Variants in HSPA4L observed in about 807,000 individuals in gnomAD.
HSPA4L encodes heat shock 70 kDa protein 4L.
A neutral mutation model predicts 100.3 loss-of-function variants in HSPA4L; 48 were observed. The observed-to-expected ratio is 0.48, with a 90% CI of 0.38 to 0.61. HSPA4L has a LOEUF of 0.61. Ranked by LOEUF, HSPA4L falls within the 20% of genes least tolerant of loss-of-function variation. The probability of loss-of-function intolerance (pLI) is 0.00; values close to 1 mark genes in which losing one functional copy is unlikely to be tolerated. For missense variants in HSPA4L, 886 were observed against 988.6 expected (o/e 0.90, Z 1.39); for synonymous variants, 319 against 328.2 (o/e 0.97, Z 0.30).
rs565583286 is a variant in HSPA4L at position 127,782,351 on chromosome 4, G to C, written c.-200G>C. 1.6e-3 allele frequency: 902 copies of C among 562,546 alleles called. 9 individuals are homozygous for C. The highest frequency in any genetic ancestry group is 0.015 in the African/African-American group (784 of 51,690). The allele number at this position is 562,546 out of a possible 1,614,324, so 34.8% of individuals were successfully genotyped here. ...GGGAAAGACCCAGGCTGCGGGACGC[G>C]GTGCAGGCTGCGGCGCTGACGGCCT... On this transcript the variant is annotated 5_prime_UTR_variant, in exon 1 of 19. Coordinates refer to ENST00000296464, the MANE Select transcript of HSPA4L (RefSeq NM_014278.4).
intron 17 of HSPA4L, among the ~76,000 whole-genome samples, chr4:127,829,279 T>C (rs1187879595): frequency 6.6e-6 from 1 of 152,034 alleles, no homozygotes; most frequent in South Asian, 2.1e-4. Flanking sequence ...TAGGGGTAAG[T>C]GTAGCAGTTG....
intron 11 of HSPA4L, 55 bp downstream of exon 11, chr4:127,808,184 AT>A: frequency 1.4e-6 from 2 of 1,415,546 alleles, no homozygotes; most frequent in South Asian, 1.3e-5. Flanking sequence ...ATAATGTGTT[AT>A]TTTAGAATCA....
rs749952346 is a variant in HSPA4L at position 127,832,715 on chromosome 4, C to T, written c.2361C>T (p.Tyr787=). 2.5e-6 allele frequency: 4 copies of T among 1,611,588 alleles called. No individual in the cohort carries two copies. Among genetic ancestry groups the T allele is most frequent in the African/African-American group, 1.3e-5 (1 of 74,864 alleles). ...ELDNFCNPII[Y]KPKPKAEVPE... is the part of the protein sequence containing the mutation. ...ATAATTTCTGTAACCCCATCATTTA[C>T]AAGCCCAAACCAAAAGCAGAAGTTC... Residue 787 remains tyrosine (Y), a synonymous_variant, in exon 19 of 19, where the codon TAC becomes TAT. Transcript: ENST00000296464.
chr4:127,783,754 A>G, intron 1 of HSPA4L: 1 of 1,322,138 alleles, frequency 7.6e-7, no homozygotes, highest in Non-Finnish European at 1.0e-6. Context: ...AAACAAGGTC[A>G]GTGTCCAATG....
chr4:127,781,830 T>A (rs1231733312), upstream of HSPA4L: 1 of 264,706 alleles, frequency 3.8e-6, no homozygotes, highest in Non-Finnish European at 7.7e-6. Context: ...CATGGGCCCC[T>A]CGGGGAGGCG....
chr4:127,810,231 A>G (rs1733485947), intron 11 of HSPA4L, among the ~76,000 whole-genome samples: 1 of 152,210 alleles, frequency 6.6e-6, no homozygotes, highest in African/African-American at 2.4e-5. Flanking sequence ...TACAACATTT[A>G]AAAGGATTTT....
At chr4:127,783,755 GTGTCCAATGGTCTTTAAA>G in intron 1 of HSPA4L, 2 of 1,293,514 alleles carry the variant, frequency 1.5e-6, no homozygotes, top group Non-Finnish European at 2.1e-6. Flanking sequence ...AACAAGGTCA[GTGTCCAATGGTCTTTAAA>G]TGCCTCATTT....
intron 17 of HSPA4L, 62 bp from the exon 18 acceptor site, chr4:127,830,576 T>A (rs1456779262): frequency 7.5e-7 from 1 of 1,330,008 alleles, no homozygotes; most frequent in Non-Finnish European, 1.0e-6. Context: ...TAGAAATTAC[T>A]AATAAACTGG....
intron 4 of HSPA4L, 48 bp downstream of exon 4, chr4:127,798,757 G>T: frequency 6.5e-7 from 1 of 1,534,078 alleles, no homozygotes; most frequent in African/African-American, 1.4e-5. Context: ...ATTTTACAGT[G>T]TATTAATGTA....
chr4:127,810,723 A>C (rs1458375430), intron 11 of HSPA4L, among the ~76,000 whole-genome samples: 1 of 152,194 alleles, frequency 6.6e-6, no homozygotes, highest in African/African-American at 2.4e-5. Flanking sequence ...CTGCCACTGC[A>C]CTACAGCCTG....
chr4:127,800,840 T>C (rs1377788713), intron 4 of HSPA4L, among the ~76,000 whole-genome samples: 2 of 152,154 alleles, frequency 1.3e-5, no homozygotes, highest in Non-Finnish European at 1.5e-5. Context: ...TTTTTTATTA[T>C]GAAAGATGAG....
chr4:127,825,991 G>C (rs909493566), intron 16 of HSPA4L, among the ~76,000 whole-genome samples: 1 of 151,630 alleles, frequency 6.6e-6, no homozygotes, highest in African/African-American at 2.4e-5. Flanking sequence ...AGAAATAACT[G>C]GAAATCCCAG....
rs569314794 is a variant in HSPA4L at position 127,830,568 on chromosome 4, G to T, written c.2167-70G>T. On this transcript the variant is annotated intron_variant, in intron 17 of 18. Transcript: ENST00000296464. Reference sequence around the variant, plus strand: ...AATAAGAGTCTAAATTTTTAAAGTAGAAATTACTAATAAACTGGTGCTAGC... The same window carrying T: ...AATAAGAGTCTAAATTTTTAAAGTATAAATTACTAATAAACTGGTGCTAGC... 15 of 1,262,694 alleles carry T rather than the reference G, an allele frequency of 1.2e-5. No homozygotes were observed. The East Asian group carries it at 3.8e-4, about 32-fold the overall frequency. 78.2% of individuals were successfully genotyped at this position (1,262,694 alleles called of 1,614,324 possible). A position where few individuals can be genotyped will look rare whatever the true frequency, so the allele number is the denominator to read the frequency against.
Position 127,812,608 on chromosome 4 carries a change from G to A in HSPA4L, c.1578+972G>A, listed in dbSNP as rs904737671. ...TATTTTTAATGGCATTAGATTTTTT[G>A]TCTAATTACAATTGGAAGTCTGCCC... On this transcript the variant is annotated intron_variant, in intron 12 of 18. Coordinates refer to ENST00000296464, the MANE Select transcript of HSPA4L (RefSeq NM_014278.4). 82 of 635,134 alleles carry A rather than the reference G, an allele frequency of 1.3e-4. No homozygotes were observed. The Middle Eastern group carries it at 2.5e-3, about 19-fold the overall frequency. The allele number at this position is 635,134 out of a possible 1,614,324, so 39.3% of individuals were successfully genotyped here. A position where few individuals can be genotyped will look rare whatever the true frequency, so the allele number is the denominator to read the frequency against.
chr4:127,808,478 T>C (rs1242373626), intron 11 of HSPA4L, among the ~76,000 whole-genome samples: 1 of 152,138 alleles, frequency 6.6e-6, no homozygotes, highest in Non-Finnish European at 1.5e-5. Flanking sequence ...GGTATCATAA[T>C]TAACCTAGAG....
At position 127,801,931 on chromosome 4, in the gene HSPA4L, A is replaced by G. The variant is rs770628757; in HGVS notation, c.663+13A>G. 8.2e-6 allele frequency: 13 copies of G among 1,581,776 alleles called. No individual in the cohort carries two copies. The South Asian group carries it at 1.4e-4, about 17-fold the overall frequency. Reference sequence around the variant, plus strand: ...AGGAAAACTTAAAGTAAGTAAACACATGGTTTGTTATATTTACATATGTTA... The same window carrying G: ...AGGAAAACTTAAAGTAAGTAAACACGTGGTTTGTTATATTTACATATGTTA... On this transcript the variant is annotated intron_variant, in intron 6 of 18. Transcript: ENST00000296464.
In HSPA4L at chr4:127,805,040, C is replaced by G. The variant is rs747039000; in HGVS notation, c.986-33C>G. The G allele has an allele frequency of 8.2e-6, 12 of 1,460,268 alleles. No individual in the cohort carries two copies. In the East Asian group the frequency reaches 2.5e-4, roughly 31 times the overall value. The allele number at this position is 1,460,268 out of a possible 1,614,324, so 90.5% of individuals were successfully genotyped here. On this transcript the variant is annotated intron_variant, in intron 8 of 18. Transcript: ENST00000296464. ...AGCCTTCTGTTGAGATTTTTAAAGA[C>G]TATCATTTTTCTCAATTAAAAAAAT... is the stretch of plus-strand genomic sequence containing the variant.
At chr4:127,799,418 A>G (rs1363203355) in intron 4 of HSPA4L, among the ~76,000 whole-genome samples, 1 of 152,166 alleles carries the variant, frequency 6.6e-6, no homozygotes, top group Non-Finnish European at 1.5e-5. Context: ...AGGCATTTTA[A>G]CCCATTTAAT....
At chr4:127,808,491 G>T (rs1263954314) in intron 11 of HSPA4L, among the ~76,000 whole-genome samples, 1 of 151,968 alleles carries the variant, frequency 6.6e-6, no homozygotes, top group Non-Finnish European at 1.5e-5. Flanking sequence ...ACCTAGAGAT[G>T]ATATAGACTT....
Sources: allele counts gnomAD v4.1 joint callset (sites outside exome capture counted in the v4.1 genomes callset), GRCh38; gene constraint gnomAD v4.1.1; transcripts MANE v1.5; gene names NCBI Gene and HGNC (gene_info 2026-07-23, HGNC 2026-07-21).